TMPRSS11F: variants seen among roughly 807,000 people sequenced by gnomAD.
TMPRSS11F encodes the protein transmembrane protease serine 11F.
Under a neutral mutation model 60.2 loss-of-function variants are expected in TMPRSS11F, and 47 were observed. The ratio of observed to expected loss-of-function variants is 0.78; its 90% confidence interval spans 0.62 to 1.00. TMPRSS11F has a LOEUF of 1.00. TMPRSS11F is among the 50% of genes least tolerant of loss of function. The pLI is 0.00. For synonymous variants in TMPRSS11F, 166 were observed against 167.3 expected (o/e 0.99, Z 0.06); for missense variants, 519 against 522.9 (o/e 0.99, Z 0.07).
intron 3 of TMPRSS11F, among the ~76,000 whole-genome samples, chr4:68,074,886 CA>C (rs1376556475): frequency 6.6e-6 from 1 of 152,104 alleles, no homozygotes; most frequent in Non-Finnish European, 1.5e-5. Context: ...TGCTTTAGCC[CA>C]GGAGTTCCAG....
At chr4:68,089,375 C>T (rs908184137) in intron 3 of TMPRSS11F, among the ~76,000 whole-genome samples, 2 of 152,040 alleles carry the variant, frequency 1.3e-5, no homozygotes, top group African/African-American at 4.8e-5. Flanking sequence ...GTTAGGTTTA[C>T]CTTTGTAAAG....
At chr4:68,121,238 A>G (rs1168610713) in intron 1 of TMPRSS11F, among the ~76,000 whole-genome samples, 1 of 152,214 alleles carries the variant, frequency 6.6e-6, no homozygotes, top group African/African-American at 2.4e-5. Flanking sequence ...AATTTTAACC[A>G]CCCACATCTA....
intron 2 of TMPRSS11F, 89 bp from the exon 3 acceptor site, chr4:68,090,730 A>G: frequency 1.3e-6 from 2 of 1,502,066 alleles, no homozygotes; most frequent in Non-Finnish European, 1.8e-6. Context: ...TAAATAGGCT[A>G]CAATAATGCA....
chr4:68,072,183 A>C (rs1327143772), intron 5 of TMPRSS11F, 140 bp downstream of exon 5: 1 of 151,860 alleles, frequency 6.6e-6, no homozygotes, highest in Admixed American at 6.8e-5. Context: ...TTTTAGTTTT[A>C]TTCCATGCTG....
Position 68,064,811 on chromosome 4 carries a change from C to T in TMPRSS11F, c.889G>A (p.Val297Ile). The change falls in exon 8 of 10, where the codon GTT becomes ATT. Residue 297 changes from valine to isoleucine, a missense_variant. Transcript: ENST00000356291. ...RETNENDIAL[V>I]QLSTGVEFSN... is the part of the protein sequence containing the mutation. ...AACTCAACTCCAGTAGAGAGCTGAA[C>T]CAAAGCAATGTCATTTTCATTTGTT... 1.9e-6 allele frequency: 3 copies of T among 1,614,148 alleles called. No homozygotes were observed. The highest frequency in any genetic ancestry group is 2.5e-6 in the Non-Finnish European group (3 of 1,180,016).
chr4:68,057,941 T>C (rs1723081729), intron 9 of TMPRSS11F, among the ~76,000 whole-genome samples: 1 of 152,188 alleles, frequency 6.6e-6, no homozygotes, highest in Non-Finnish European at 1.5e-5. Flanking sequence ...TAGAGGACAT[T>C]ATGCTAAGTG....
At chr4:68,073,188 G>A (rs1253681914) in intron 4 of TMPRSS11F, among the ~76,000 whole-genome samples, 2 of 152,068 alleles carry the variant, frequency 1.3e-5, no homozygotes, top group African/African-American at 4.8e-5. Context: ...TCTTTGGACT[G>A]TACCATAAAA....
intron 1 of TMPRSS11F, among the ~76,000 whole-genome samples, chr4:68,109,955 C>A (rs191743443): frequency 6.6e-6 from 1 of 152,314 alleles, no homozygotes; most frequent in African/African-American, 2.4e-5. Context: ...AAATGCAGTA[C>A]ACTCTTCTAT....
intron 6 of TMPRSS11F, among the ~76,000 whole-genome samples, chr4:68,069,378 C>A (rs534584538): frequency 5.9e-5 from 9 of 152,178 alleles, no homozygotes; most frequent in Middle Eastern, 3.4e-3. Flanking sequence ...CACTATCGAC[C>A]TTTTTGGTCT....
intron 5 of TMPRSS11F, among the ~76,000 whole-genome samples, chr4:68,071,016 A>AT (rs138573789): frequency 0.041 from 6,194 of 152,238 alleles, 376 homozygotes; most frequent in African/African-American, 0.13. Flanking sequence ...CAATGCCAAA[A>AT]TTTTTTAATA....
At chr4:68,091,755 C>CTA (rs1560403392) in intron 2 of TMPRSS11F, among the ~76,000 whole-genome samples, 400 of 28,396 alleles carry the variant, frequency 0.014, 4 homozygotes, top group African/African-American at 0.021. Flanking sequence ...TAATCTCTCT[C>CTA]TCTCTCTCTC....
intron 7 of TMPRSS11F, among the ~76,000 whole-genome samples, chr4:68,068,252 A>G (rs939962455): frequency 6.6e-6 from 1 of 152,198 alleles, no homozygotes; most frequent in Non-Finnish European, 1.5e-5. Flanking sequence ...GTGGAAAGTT[A>G]GAGGGATTAA....
At chr4:68,058,126 A>G (rs1723085093) in intron 9 of TMPRSS11F, among the ~76,000 whole-genome samples, 1 of 152,176 alleles carries the variant, frequency 6.6e-6, no homozygotes, top group African/African-American at 2.4e-5. Flanking sequence ...GCAAAGTTTC[A>G]GTGAGAAGGA....
At chr4:68,121,877 G>A (rs974222509) in intron 1 of TMPRSS11F, among the ~76,000 whole-genome samples, 4 of 152,172 alleles carry the variant, frequency 2.6e-5, no homozygotes, top group African/African-American at 9.7e-5. Flanking sequence ...GAGTTAATCG[G>A]TATGTTACAG....
chr4:68,082,399 G>C (rs1015132419), intron 3 of TMPRSS11F, among the ~76,000 whole-genome samples: 5 of 152,178 alleles, frequency 3.3e-5, no homozygotes, highest in African/African-American at 1.2e-4. Flanking sequence ...CATCCTCCAA[G>C]GCTCTCCCCC....
intron 9 of TMPRSS11F, among the ~76,000 whole-genome samples, chr4:68,056,484 G>A (rs149738848): frequency 0.012 from 1,792 of 149,442 alleles, 8 homozygotes; most frequent in Non-Finnish European, 0.019. Context: ...TAACTGAAGA[G>A]GTGAACGCTT....
chr4:68,124,945 ATTTTT>A (rs370189875), intron 1 of TMPRSS11F, among the ~76,000 whole-genome samples: 1 of 94,100 alleles, frequency 1.1e-5, no homozygotes. Context: ...CTAAACCAGC[ATTTTT>A]TTTTTTTTTT....
chr4:68,059,209 T>G, intron 9 of TMPRSS11F, 117 bp downstream of exon 9: 1 of 998,994 alleles, frequency 1.0e-6, no homozygotes, highest in Admixed American at 2.8e-5. Flanking sequence ...TTAAATAAAG[T>G]CAGTTCTCGG....
In TMPRSS11F at chr4:68,068,755, A is replaced by T. The variant is rs1577914068; in HGVS notation, c.618T>A (p.Ile206=). The change falls in exon 7 of 10, where the codon ATT becomes ATA. Residue 206 remains isoleucine, a synonymous_variant. Transcript: ENST00000356291. The stretch of plus-strand genomic sequence containing the variant: ...CCATAGCTGTTTCCCTTCCTTGGAC[A>T]ATTCTTTGAGTAGAAGAGGATGCTG... ...PLPASSSTQR[I]VQGRETAMEG... 4.3e-6 allele frequency: 7 copies of T among 1,614,260 alleles called. No individual in the cohort carries two copies. The East Asian group carries it at 1.6e-4, about 36-fold the overall frequency.
Sources: gnomAD v4.1 joint callset for allele counts (sites outside exome capture counted in the v4.1 genomes callset) on GRCh38, gnomAD v4.1.1 for gene constraint, MANE v1.5 for transcripts, NCBI Gene and HGNC (gene_info 2026-07-23, HGNC 2026-07-21) for gene names.